LTBP1: variants seen among roughly 807,000 people sequenced by gnomAD.
LTBP1 encodes latent transforming growth factor beta binding protein 1.
A neutral mutation model predicts 207.6 loss-of-function variants in LTBP1; 129 were observed. The ratio of observed to expected loss-of-function variants is 0.62; its 90% confidence interval spans 0.54 to 0.72. The LOEUF (loss-of-function observed/expected upper bound fraction) is 0.72. Among genes scored for constraint, LTBP1 ranks in the 30% least tolerant of loss-of-function variants. LTBP1 has a pLI of 0.00. For missense variants in LTBP1, 2,281 were observed against 2,217.2 expected (o/e 1.03, Z -0.58); for synonymous variants, 963 against 833.7 (o/e 1.16, Z -2.67).
intron 7 of LTBP1, among the ~76,000 whole-genome samples, chr2:33,208,470 G>T (rs1374667803): frequency 6.6e-6 from 1 of 152,188 alleles, no homozygotes; most frequent in East Asian, 1.9e-4. Flanking sequence ...AGCAGGAAAG[G>T]GCTGGCATGA....
intron 18 of LTBP1, among the ~76,000 whole-genome samples, chr2:33,276,851 C>T (rs1221792782): frequency 1.3e-5 from 2 of 152,050 alleles, no homozygotes; most frequent in Non-Finnish European, 2.9e-5. Context: ...ACCTTGTCTC[C>T]AAAAAACAAA....
intron 3 of LTBP1, among the ~76,000 whole-genome samples, chr2:33,068,746 A>G (rs545103023): frequency 1.5e-3 from 226 of 152,332 alleles, no homozygotes; most frequent in African/African-American, 5.2e-3. Flanking sequence ...CATTCTTCAC[A>G]TTAGGAGGCT....
At chr2:33,376,115 A>T (rs1311006719) in intron 31 of LTBP1, among the ~76,000 whole-genome samples, 2 of 152,198 alleles carry the variant, frequency 1.3e-5, no homozygotes, top group East Asian at 3.8e-4. Flanking sequence ...TTCCTCATAA[A>T]TATTTAATTA....
At chr2:33,175,315 A>C (rs1216427215) in intron 5 of LTBP1, among the ~76,000 whole-genome samples, 2 of 151,672 alleles carry the variant, frequency 1.3e-5, no homozygotes, top group Non-Finnish European at 3.0e-5. Context: ...TTACAAGAAA[A>C]AAACAACCCC....
intron 7 of LTBP1, among the ~76,000 whole-genome samples, chr2:33,196,871 G>C (rs2088627184): frequency 1.3e-5 from 2 of 152,172 alleles, no homozygotes; most frequent in Admixed American, 6.6e-5. Context: ...AAAATTCAGT[G>C]ATCAGTGAAT....
At chr2:33,098,650 G>A (rs2079533152) in intron 3 of LTBP1, among the ~76,000 whole-genome samples, 3 of 151,988 alleles carry the variant, frequency 2.0e-5, no homozygotes, top group Admixed American at 2.0e-4. Context: ...TGTTGGCCAG[G>A]CTGGTCTCGA....
intron 20 of LTBP1, 43 bp from the exon 21 acceptor site, chr2:33,300,408 G>T: frequency 6.2e-7 from 1 of 1,603,600 alleles, no homozygotes; most frequent in South Asian, 1.1e-5. Context: ...CATTCTCCTG[G>T]GTAGTCTCTT....
intron 2 of LTBP1, among the ~76,000 whole-genome samples, chr2:33,018,929 T>G (rs1688770285): frequency 6.6e-6 from 1 of 152,152 alleles, no homozygotes; most frequent in Admixed American, 6.5e-5. Context: ...CTTGGTATTC[T>G]GACACCCAAG....
intron 2 of LTBP1, among the ~76,000 whole-genome samples, chr2:32,965,714 T>C (rs1679898603): frequency 6.6e-6 from 1 of 152,276 alleles, no homozygotes; most frequent in Admixed American, 6.5e-5. Flanking sequence ...ATAGTTTATT[T>C]ATCCATCATC....
chr2:33,316,973 G>GA (rs143739806), intron 24 of LTBP1, among the ~76,000 whole-genome samples: 8 of 151,084 alleles, frequency 5.3e-5, no homozygotes, highest in Admixed American at 2.0e-4. Flanking sequence ...ATTATATTCA[G>GA]AAAAAAAAAT....
chr2:33,291,954 CCTT>C (rs1362188770), intron 19 of LTBP1, among the ~76,000 whole-genome samples: 5 of 152,120 alleles, frequency 3.3e-5, no homozygotes, highest in African/African-American at 1.2e-4. Context: ...GTCTTTTCCT[CCTT>C]GTTTGCCTGG....
intron 2 of LTBP1, among the ~76,000 whole-genome samples, chr2:33,009,453 G>A (rs552672449): frequency 2.0e-4 from 31 of 152,280 alleles, no homozygotes; most frequent in African/African-American, 6.7e-4. Flanking sequence ...TATGTGTGAC[G>A]TAATCCAGTG....
At chr2:33,382,693 C>G (rs1025738110) in intron 31 of LTBP1, among the ~76,000 whole-genome samples, 2 of 152,132 alleles carry the variant, frequency 1.3e-5, no homozygotes, top group Admixed American at 6.5e-5. Context: ...TAATTCCGTG[C>G]AATAAATGGA....
chr2:32,948,619 C>T (rs1044156325), intron 1 of LTBP1, among the ~76,000 whole-genome samples: 1 of 152,180 alleles, frequency 6.6e-6, no homozygotes, highest in African/African-American at 2.4e-5. Context: ...ATTTGTTGGG[C>T]CCTGTTCTCC....
At chr2:32,969,308 A>G (rs1373387352) in intron 2 of LTBP1, among the ~76,000 whole-genome samples, 1 of 148,286 alleles carries the variant, frequency 6.7e-6, no homozygotes, top group Admixed American at 6.8e-5. Context: ...TTTCAGGGGC[A>G]CATGTGCAGG....
At chr2:33,077,697 G>C (rs1182254597) in intron 3 of LTBP1, among the ~76,000 whole-genome samples, 1 of 152,122 alleles carries the variant, frequency 6.6e-6, no homozygotes, top group South Asian at 2.1e-4. Flanking sequence ...CGTGAGATTT[G>C]GGTGGGGACA....
At chr2:33,157,805 A>G (rs964778306) in intron 5 of LTBP1, among the ~76,000 whole-genome samples, 7 of 152,166 alleles carry the variant, frequency 4.6e-5, no homozygotes, top group Non-Finnish European at 1.5e-5. Flanking sequence ...GGTGAGGATG[A>G]GAATCACTGG....
chr2:33,278,425 C>G (rs901663457), intron 18 of LTBP1, among the ~76,000 whole-genome samples: 4 of 152,130 alleles, frequency 2.6e-5, no homozygotes, highest in Admixed American at 2.0e-4. Flanking sequence ...CAAACGTCCC[C>G]GGGCTTCTGG....
At chr2:33,168,399 C>CAAAAAAAAAAAAAAAAAA (rs10616798) in intron 5 of LTBP1, among the ~76,000 whole-genome samples, 1 of 103,814 alleles carries the variant, frequency 9.6e-6, no homozygotes, top group Non-Finnish European at 2.0e-5. Flanking sequence ...GTCTTTGTCT[C>CAAAAAAAAAAAAAAAAAA]AAAAAAAAAA....
Sources: allele counts gnomAD v4.1 joint callset (sites outside exome capture counted in the v4.1 genomes callset), GRCh38; gene constraint gnomAD v4.1.1; transcripts MANE v1.5; gene names NCBI Gene and HGNC (gene_info 2026-07-23, HGNC 2026-07-21).